Variants in NRXN3 observed in about 807,000 individuals in gnomAD.
The protein encoded by NRXN3 is neurexin III.
In NRXN3, 32 loss-of-function variants were observed where a neutral mutation model predicts 137.6. That is an observed-to-expected ratio of 0.23 (90% CI 0.18 to 0.31). The LOEUF (loss-of-function observed/expected upper bound fraction) is 0.31, where lower values mean the gene tolerates loss of function less well. Ranked by LOEUF, NRXN3 falls within the 10% of genes least tolerant of loss-of-function variation. NRXN3 has a pLI of 1.00. For synonymous variants in NRXN3, 798 were observed against 784.5 expected, an observed-to-expected ratio of 1.02 and a Z score of -0.29; for missense variants, 1,574 against 2,062.5, an observed-to-expected ratio of 0.76 and a Z score of 4.59.
At chr14:78,178,563 C>G (rs545274741) in intron 1 of NRXN3, among the ~76,000 whole-genome samples, 43 of 152,214 alleles carry the variant, frequency 2.8e-4, no homozygotes, top group African/African-American at 1.0e-3. Flanking sequence ...TTTGCTGTGT[C>G]GCCCTAAACC....
intron 15 of NRXN3, among the ~76,000 whole-genome samples, chr14:79,266,358 T>C (rs545367232): frequency 1.3e-5 from 2 of 151,652 alleles, no homozygotes; most frequent in South Asian, 2.1e-4. Flanking sequence ...ATAAAGGTTA[T>C]ATATATATAT....
At chr14:79,526,888 A>G (rs1317256898) in intron 16 of NRXN3, among the ~76,000 whole-genome samples, 2 of 152,222 alleles carry the variant, frequency 1.3e-5, no homozygotes, top group African/African-American at 4.8e-5. Context: ...GGGTAGCAGG[A>G]GTTAAATTAC....
At chr14:78,778,707 TTTC>T (rs1325624661) in intron 8 of NRXN3, among the ~76,000 whole-genome samples, 1 of 149,248 alleles carries the variant, frequency 6.7e-6, no homozygotes, top group African/African-American at 2.5e-5. Context: ...TCTTTCTTTC[TTTC>T]TTTCTTTCTT....
intron 10 of NRXN3, among the ~76,000 whole-genome samples, chr14:78,895,910 A>C (rs972219831): frequency 6.6e-6 from 1 of 151,904 alleles, no homozygotes; most frequent in Non-Finnish European, 1.5e-5. Context: ...TTATATGGAC[A>C]TGATTTGTGT....
rs183048821 is a variant in NRXN3 at position 78,448,229 on chromosome 14, T to G, written c.757+150369T>G. Among the ~76,000 whole-genome samples the G allele has an allele frequency of 7.9e-5, 12 of 151,998 alleles. No individual in the cohort carries two copies. The East Asian group carries it at 2.3e-3, about 29-fold the overall frequency. ...ATTTTTTTTACTTTCCTAAATAGAT[T>G]ATAAGACCCTGAAAGACGGCTACTT... On this transcript the variant is annotated intron_variant, in intron 4 of 20. Coordinates refer to ENST00000335750, the MANE Select transcript of NRXN3 (RefSeq NM_001330195.2).
intron 19 of NRXN3, among the ~76,000 whole-genome samples, chr14:79,761,709 A>G (rs896884302): frequency 7.0e-6 from 1 of 143,362 alleles, no homozygotes; most frequent in Non-Finnish European, 1.5e-5. Context: ...AAAAAAAAAA[A>G]TAGATCTCAC....
intron 10 of NRXN3, among the ~76,000 whole-genome samples, chr14:78,943,884 A>G (rs939641585): frequency 4.0e-5 from 6 of 151,456 alleles, no homozygotes; most frequent in African/African-American, 1.2e-4. Context: ...GGTGCCTCCA[A>G]TCTGGTTGGG....
intron 10 of NRXN3, among the ~76,000 whole-genome samples, chr14:78,859,412 C>G (rs2099066424): frequency 6.6e-6 from 1 of 152,136 alleles, no homozygotes; most frequent in South Asian, 2.1e-4. Context: ...CACCTCTTTT[C>G]TCCCATCCAA....
chr14:79,407,611 T>C (rs770999638), intron 15 of NRXN3, among the ~76,000 whole-genome samples: 9 of 152,136 alleles, frequency 5.9e-5, no homozygotes, highest in Non-Finnish European at 1.3e-4. Flanking sequence ...TGCTTTGATA[T>C]CAAGTTTAAT....
intron 6 of NRXN3, among the ~76,000 whole-genome samples, chr14:78,669,127 A>G (rs2097912988): frequency 6.6e-6 from 1 of 152,216 alleles, no homozygotes; most frequent in South Asian, 2.1e-4. Context: ...GTTAAAAAAA[A>G]ATTTTAAGAG....
chr14:78,972,457 C>G (rs1292191682), intron 14 of NRXN3, among the ~76,000 whole-genome samples: 2 of 152,168 alleles, frequency 1.3e-5, no homozygotes, highest in African/African-American at 2.4e-5. Context: ...GGGGTGCACT[C>G]GAGTGACTCT....
chr14:79,866,468 G>C lies in NRXN3; in HGVS notation c.*4504G>C, dbSNP rs1382805354. On this transcript the variant is annotated 3_prime_UTR_variant, in exon 21 of 21. Coordinates refer to ENST00000335750, the MANE Select transcript of NRXN3 (RefSeq NM_001330195.2). The stretch of plus-strand genomic sequence containing the variant: ...GTAAACCTTGGAAAACTGATAGGCA[G>C]AAATAAGGGCTGTATATCATTCTAA... The C allele has an allele frequency of 1.3e-5, 2 of 152,180 alleles. No individual in the cohort carries two copies. The highest frequency in any genetic ancestry group is 2.4e-5 in the African/African-American group (1 of 41,436). The allele number at this position is 152,180 out of a possible 1,614,324, so 9.4% of individuals were successfully genotyped here.
chr14:79,524,879 T>A (rs549446427), intron 16 of NRXN3, among the ~76,000 whole-genome samples: 17 of 152,310 alleles, frequency 1.1e-4, no homozygotes, highest in East Asian at 1.9e-4. Flanking sequence ...GGGTATGATC[T>A]AATGGTAATG....
intron 6 of NRXN3, among the ~76,000 whole-genome samples, chr14:78,696,959 A>T (rs1180289967): frequency 6.6e-6 from 1 of 152,088 alleles, no homozygotes; most frequent in East Asian, 1.9e-4. Context: ...CAAGTTCTGC[A>T]AAGGCATGTC....
intron 15 of NRXN3, among the ~76,000 whole-genome samples, chr14:79,048,284 A>G (rs931104336): frequency 6.6e-6 from 1 of 152,130 alleles, no homozygotes; most frequent in Non-Finnish European, 1.5e-5. Context: ...GGCATGAGAG[A>G]GCTTTGTGGG....
chr14:79,098,426 G>A (rs11845522), intron 15 of NRXN3, among the ~76,000 whole-genome samples: 150,932 of 152,302 alleles, frequency 0.99, 74,811 homozygotes, highest in Middle Eastern at 1. Context: ...TCTTGGAGAT[G>A]AAGCAAATAT....
At chr14:79,707,688 G>T (rs922099228) in intron 19 of NRXN3, among the ~76,000 whole-genome samples, 2 of 152,116 alleles carry the variant, frequency 1.3e-5, no homozygotes, top group Non-Finnish European at 2.9e-5. Flanking sequence ...TTGCTAGTTT[G>T]TGGTCTCTGA....
At chr14:78,783,974 C>G (rs1268127706) in intron 8 of NRXN3, among the ~76,000 whole-genome samples, 4 of 148,214 alleles carry the variant, frequency 2.7e-5, no homozygotes, top group Non-Finnish European at 5.9e-5. Flanking sequence ...AGGCACTCTT[C>G]TAGAACATAG....
intron 8 of NRXN3, among the ~76,000 whole-genome samples, chr14:78,726,682 C>G (rs2098485335): frequency 6.6e-6 from 1 of 151,854 alleles, no homozygotes; most frequent in Non-Finnish European, 1.5e-5. Flanking sequence ...TCACACCCGG[C>G]TAATTTTTGT....
Sources: gnomAD v4.1 joint callset for allele counts (sites outside exome capture counted in the v4.1 genomes callset) on GRCh38, gnomAD v4.1.1 for gene constraint, MANE v1.5 for transcripts, NCBI Gene and HGNC (gene_info 2026-07-23, HGNC 2026-07-21) for gene names.